The following KIF21A variants were observed in gnomAD, a reference collection of about 807,000 sequenced individuals.
KIF21A encodes the protein kinesin family member 21A.
A neutral mutation model predicts 202.9 loss-of-function variants in KIF21A; 114 were observed. That is an observed-to-expected ratio of 0.56 (90% CI 0.48 to 0.66). The LOEUF (loss-of-function observed/expected upper bound fraction) is 0.66, where lower values mean the gene tolerates loss of function less well. Among genes scored for constraint, KIF21A ranks in the 30% least tolerant of loss-of-function variants. The pLI, the probability that KIF21A is intolerant of heterozygous loss-of-function variation, is 0.00. For missense variants in KIF21A, 1,677 were observed against 1,994.9 expected, an observed-to-expected ratio of 0.84 and a Z score of 3.04; for synonymous variants, 667 against 670.8, an observed-to-expected ratio of 0.99 and a Z score of 0.09.
chr12:39,400,271 T>C (rs545569817), intron 1 of KIF21A, among the ~76,000 whole-genome samples: 88 of 152,292 alleles, frequency 5.8e-4, no homozygotes, highest in Non-Finnish European at 1.2e-3. Flanking sequence ...GGGGAGAGTC[T>C]CTTTTTTTCC....
intron 1 of KIF21A, among the ~76,000 whole-genome samples, chr12:39,429,140 A>G (rs2140326741): frequency 6.6e-6 from 1 of 152,302 alleles, no homozygotes; most frequent in East Asian, 1.9e-4. Context: ...AAGAGGTTTA[A>G]GGATTAATAT....
intron 9 of KIF21A, 101 bp from the exon 10 acceptor site, chr12:39,356,996 C>A: frequency 1.4e-6 from 1 of 706,868 alleles, no homozygotes; most frequent in Non-Finnish European, 2.4e-6. Flanking sequence ...TTTTTTAAAA[C>A]ACAATTCTTA....
chr12:39,316,452 A>G (rs1199145052), intron 29 of KIF21A, among the ~76,000 whole-genome samples: 17 of 152,140 alleles, frequency 1.1e-4, no homozygotes, highest in Non-Finnish European at 7.4e-5. Context: ...AAGTCACTCA[A>G]AATTTAATAA....
At chr12:39,330,949 A>G in intron 22 of KIF21A, 38 bp from the exon 23 acceptor site, 2 of 1,600,610 alleles carry the variant, frequency 1.2e-6, no homozygotes, top group Non-Finnish European at 1.7e-6. Context: ...GTCATACGAA[A>G]CAGGATCTAC....
chr12:39,399,260 G>T (rs1196269492), intron 1 of KIF21A, among the ~76,000 whole-genome samples: 4 of 152,170 alleles, frequency 2.6e-5, no homozygotes, highest in African/African-American at 9.7e-5. Context: ...GTAACCTAGA[G>T]ATGATTTAAA....
intron 1 of KIF21A, among the ~76,000 whole-genome samples, chr12:39,380,428 T>A (rs188523052): frequency 1.8e-3 from 271 of 152,368 alleles, no homozygotes; most frequent in African/African-American, 5.8e-3. Flanking sequence ...GAGTTTTCAA[T>A]AGATTTTGGT....
chr12:39,356,486 T>C lies in KIF21A; in HGVS notation c.1469+346A>G, dbSNP rs1017206621. On this transcript the variant is annotated intron_variant, in intron 10 of 37. Coordinates refer to ENST00000361418, the MANE Select transcript of KIF21A (RefSeq NM_001173464.2). ...ATTGGAGATGATGTGTAGATATTGATCTATTCCCAACTGATGGGGGAAGAG... is the reference window on the plus strand; with the variant it reads ...ATTGGAGATGATGTGTAGATATTGACCTATTCCCAACTGATGGGGGAAGAG... 4.3e-5 allele frequency: 8 copies of C among 185,504 alleles called. No individual in the cohort carries two copies. The South Asian group carries it at 1.1e-3, about 25-fold the overall frequency. 11.5% of individuals were successfully genotyped at this position (185,504 alleles called of 1,614,324 possible). A position where few individuals can be genotyped will look rare whatever the true frequency, so the allele number is the denominator to read the frequency against.
intron 10 of KIF21A, among the ~76,000 whole-genome samples, chr12:39,353,239 C>T (rs1948531841): frequency 6.6e-6 from 1 of 151,982 alleles, no homozygotes; most frequent in African/African-American, 2.4e-5. Context: ...TGCCCAGGCT[C>T]GTCTCAAGCT....
At chr12:39,335,468 AT>A (rs1478417318) in intron 17 of KIF21A, among the ~76,000 whole-genome samples, 1 of 151,884 alleles carries the variant, frequency 6.6e-6, no homozygotes, top group African/African-American at 2.4e-5. Context: ...GTATGATTCA[AT>A]TTATATGCAA....
In KIF21A at chr12:39,369,679, T is replaced by A. The variant is rs372585572; in HGVS notation, c.450+50A>T. Reference sequence around the variant, plus strand: ...CAACAGTATAAAATCATAAACACAGTCTATAAGAACAAAATTTAAAAGAAA... The same window carrying A: ...CAACAGTATAAAATCATAAACACAGACTATAAGAACAAAATTTAAAAGAAA... On this transcript the variant is annotated intron_variant, in intron 3 of 37. Transcript: ENST00000361418. 8.5e-6 allele frequency: 12 copies of A among 1,405,108 alleles called. No individual in the cohort carries two copies. The African/African-American group carries it at 1.6e-4, about 18-fold the overall frequency. The allele number at this position is 1,405,108 out of a possible 1,614,324, so 87.0% of individuals were successfully genotyped here.
At chr12:39,440,155 T>A (rs75425609) in intron 1 of KIF21A, among the ~76,000 whole-genome samples, 1 of 152,230 alleles carries the variant, frequency 6.6e-6, no homozygotes, top group Non-Finnish European at 1.5e-5. Flanking sequence ...CTTAGTTCTA[T>A]CTTTTCTAGC....
At chr12:39,369,670 TA>T in intron 3 of KIF21A, 58 bp downstream of exon 3, 2 of 1,332,542 alleles carry the variant, frequency 1.5e-6, no homozygotes, top group Non-Finnish European at 2.1e-6. Flanking sequence ...TATAAAATCA[TA>T]AACACAGTCT....
intron 37 of KIF21A, among the ~76,000 whole-genome samples, chr12:39,296,777 T>C (rs535013759): frequency 6.6e-6 from 1 of 152,238 alleles, no homozygotes; most frequent in East Asian, 1.9e-4. Flanking sequence ...CCAGAGGGTA[T>C]CAGATGATAA....
chr12:39,365,079 T>C (rs549857554), intron 6 of KIF21A, among the ~76,000 whole-genome samples: 1 of 152,272 alleles, frequency 6.6e-6, no homozygotes, highest in South Asian at 2.1e-4. Context: ...CTCAAGCAGT[T>C]CTGTAATCCC....
At chr12:39,357,803 A>C (rs2138855115) in intron 8 of KIF21A, among the ~76,000 whole-genome samples, 1 of 151,110 alleles carries the variant, frequency 6.6e-6, no homozygotes, top group East Asian at 2.0e-4. Context: ...CCAGCTACTC[A>C]AGAGGCTGAG....
chr12:39,352,033 A>T lies in KIF21A; in HGVS notation c.1470-53T>A, dbSNP rs143378949. 4.0e-6 allele frequency: 5 copies of T among 1,238,960 alleles called. No individual in the cohort carries two copies. In the African/African-American group the frequency reaches 7.4e-5, roughly 18 times the overall value. 76.7% of individuals were successfully genotyped at this position (1,238,960 alleles called of 1,614,324 possible). ...GGAGCATTTTTCTCTGTGGATAAAA[A>T]TACATAACATAAAGTGTACCACACT... On this transcript the variant is annotated intron_variant, in intron 10 of 37. Coordinates refer to ENST00000361418, the MANE Select transcript of KIF21A (RefSeq NM_001173464.2).
intron 1 of KIF21A, among the ~76,000 whole-genome samples, chr12:39,373,820 C>T (rs1300747352): frequency 1.3e-5 from 2 of 152,160 alleles, no homozygotes; most frequent in Admixed American, 6.6e-5. Flanking sequence ...GGTTATGATT[C>T]TTGCTAATGG....
At chr12:39,421,265 T>C (rs1439512316) in intron 1 of KIF21A, among the ~76,000 whole-genome samples, 1 of 152,216 alleles carries the variant, frequency 6.6e-6, no homozygotes, top group African/African-American at 2.4e-5. Context: ...GGCTATACCA[T>C]CAAGGTTTGT....
At chr12:39,429,988 G>A (rs1937635454) in intron 1 of KIF21A, among the ~76,000 whole-genome samples, 1 of 152,024 alleles carries the variant, frequency 6.6e-6, no homozygotes, top group Non-Finnish European at 1.5e-5. Flanking sequence ...TTTTATACAT[G>A]AGAAAACTAA....
Sources: allele counts gnomAD v4.1 joint callset (sites outside exome capture counted in the v4.1 genomes callset), GRCh38; gene constraint gnomAD v4.1.1; transcripts MANE v1.5; gene names NCBI Gene and HGNC (gene_info 2026-07-23, HGNC 2026-07-21).